ARHGEF28: variants seen among roughly 807,000 people sequenced by gnomAD.
ARHGEF28 encodes 190 kDa guanine nucleotide exchange factor.
Under a neutral mutation model 206.6 loss-of-function variants are expected in ARHGEF28, and 152 were observed. The ratio of observed to expected loss-of-function variants is 0.74; its 90% confidence interval spans 0.64 to 0.84. The LOEUF (loss-of-function observed/expected upper bound fraction) is 0.84, where lower values mean the gene tolerates loss of function less well. ARHGEF28 is among the 40% of genes least tolerant of loss of function. The pLI, the probability that ARHGEF28 is intolerant of heterozygous loss-of-function variation, is 0.00. For missense variants in ARHGEF28, 2,028 were observed against 2,073.2 expected (o/e 0.98, Z 0.42); for synonymous variants, 763 against 776.4 (o/e 0.98, Z 0.29).
chr5:73,630,724 C>T (rs1396921383), intron 1 of ARHGEF28, among the ~76,000 whole-genome samples: 1 of 152,128 alleles, frequency 6.6e-6, no homozygotes, highest in Non-Finnish European at 1.5e-5. Flanking sequence ...TCCCAGTTTC[C>T]TCATCCAGTA....
chr5:73,794,436 T>G lies in ARHGEF28; in HGVS notation c.945T>G (p.Ala315=). The G allele has an allele frequency of 6.2e-7, 1 of 1,601,834 alleles. No individual in the cohort carries two copies. ...ATTCAGTGTCCAGCAGATCAGCAGC[T>G]GAAAAGGAAGATATAAAGGTAATGA... ...IKNSVSSRSA[A]EKEDIKRVKS... Residue 315 remains alanine, a synonymous_variant, in exon 8 of 36, where the codon GCT becomes GCG. Transcript: ENST00000513042.
At chr5:73,863,469 G>A (rs1489397351) in intron 16 of ARHGEF28, 3 of 151,860 alleles carry the variant, frequency 2.0e-5, no homozygotes, top group Non-Finnish European at 4.4e-5. Flanking sequence ...TTCATAGCTC[G>A]GCTTTGATGT....
At chr5:73,657,975 T>C (rs1169255281) in intron 1 of ARHGEF28, among the ~76,000 whole-genome samples, 1 of 152,162 alleles carries the variant, frequency 6.6e-6, no homozygotes, top group Non-Finnish European at 1.5e-5. Context: ...ACTCTGTTTT[T>C]CAATGAGTCT....
intron 2 of ARHGEF28, among the ~76,000 whole-genome samples, chr5:73,696,734 C>T (rs1326722271): frequency 1.3e-5 from 2 of 152,322 alleles, no homozygotes; most frequent in East Asian, 1.9e-4. Flanking sequence ...GATTTTCCAA[C>T]ACTAGTTTAG....
At chr5:73,749,441 A>G (rs542964265) in intron 2 of ARHGEF28, among the ~76,000 whole-genome samples, 2 of 152,324 alleles carry the variant, frequency 1.3e-5, no homozygotes, top group Admixed American at 1.3e-4. Flanking sequence ...CTGAAGTGGG[A>G]GGATTGCTTG....
At chr5:73,664,776 G>A (rs1455325908) in intron 1 of ARHGEF28, among the ~76,000 whole-genome samples, 1 of 152,136 alleles carries the variant, frequency 6.6e-6, no homozygotes, top group East Asian at 1.9e-4. Context: ...TAACTACTAT[G>A]TCAGATCAAA....
intron 9 of ARHGEF28, among the ~76,000 whole-genome samples, chr5:73,812,975 G>A (rs1316705625): frequency 6.6e-6 from 1 of 152,132 alleles, no homozygotes; most frequent in Non-Finnish European, 1.5e-5. Context: ...TCTTAGATCC[G>A]AAAAGCTGCC....
rs146578847 is a variant in ARHGEF28 at position 73,772,502 on chromosome 5, C to A, written c.476-1353C>A. Among the ~76,000 whole-genome samples the A allele has an allele frequency of 4.2e-4, 64 of 152,306 alleles. No homozygotes were observed. The East Asian group carries it at 8.3e-3, about 20-fold the overall frequency. ...CAAGCGATCCTCCCACCTCAGCCTG[C>A]TGATTAGCTGGGACCACAGGCGAGT... On this transcript the variant is annotated intron_variant, in intron 4 of 35. Transcript: ENST00000513042.
chr5:73,850,635 T>C (rs1397295899), intron 13 of ARHGEF28, among the ~76,000 whole-genome samples: 8 of 152,136 alleles, frequency 5.3e-5, no homozygotes, highest in African/African-American at 1.9e-4. Context: ...ATCTATGAAG[T>C]CAGATATCTC....
intron 35 of ARHGEF28, among the ~76,000 whole-genome samples, chr5:73,913,163 C>A (rs554610029): frequency 1.3e-5 from 2 of 152,166 alleles, no homozygotes; most frequent in Admixed American, 1.3e-4. Flanking sequence ...AATGTACTTA[C>A]GCTTAAGAAA....
rs570710298 is a variant in ARHGEF28 at position 73,730,440 on chromosome 5, C to T, written c.34-19397C>T. On this transcript the variant is annotated intron_variant, in intron 2 of 35. Transcript: ENST00000513042. ...CTTGCATCGGTAGGCACCTTTAAGGCAAAATAAAGGAAAATATATTTCAGT... is the reference window on the plus strand; with the variant it reads ...CTTGCATCGGTAGGCACCTTTAAGGTAAAATAAAGGAAAATATATTTCAGT... Among the ~76,000 whole-genome samples the T allele has an allele frequency of 2.8e-4, 42 of 150,980 alleles. 1 individual carries two copies. Among genetic ancestry groups the T allele is most frequent in the African/African-American group, 1.0e-3 (41 of 41,016 alleles).
intron 2 of ARHGEF28, among the ~76,000 whole-genome samples, chr5:73,745,664 T>G (rs1297677079): frequency 6.6e-6 from 1 of 152,088 alleles, no homozygotes; most frequent in Admixed American, 6.5e-5. Context: ...ATTCCTGTTT[T>G]CCATGTGACT....
intron 2 of ARHGEF28, among the ~76,000 whole-genome samples, chr5:73,730,237 A>T (rs964483637): frequency 1.3e-5 from 2 of 152,170 alleles, no homozygotes; most frequent in African/African-American, 2.4e-5. Context: ...TAAATAGTAA[A>T]CTGTCCCAGT....
At chr5:73,814,574 T>G (rs796802212) in intron 9 of ARHGEF28, among the ~76,000 whole-genome samples, 2 of 152,078 alleles carry the variant, frequency 1.3e-5, no homozygotes, top group African/African-American at 4.8e-5. Flanking sequence ...ACGCGTGTGC[T>G]TATGTTTTCA....
Position 73,878,520 on chromosome 5 carries a change from C to T in ARHGEF28, c.2815-3952C>T, listed in dbSNP as rs187751844. Among the ~76,000 whole-genome samples the T allele has an allele frequency of 3.9e-3, 592 of 151,924 alleles. 2 individuals carry two copies. The highest frequency in any genetic ancestry group is 7.2e-3 in the Non-Finnish European group (489 of 67,964). On this transcript the variant is annotated intron_variant, in intron 22 of 35. Transcript: ENST00000513042. Reference sequence around the variant, plus strand: ...AGTTGATGCAGTCTCTTCCTAGTCTCGATGGTCTTTACATTTTGGCATGAT... The same window carrying T: ...AGTTGATGCAGTCTCTTCCTAGTCTTGATGGTCTTTACATTTTGGCATGAT...
intron 1 of ARHGEF28, among the ~76,000 whole-genome samples, chr5:73,642,653 C>A (rs1744191923): frequency 6.6e-6 from 1 of 151,768 alleles, no homozygotes. Context: ...GGCCTTGATT[C>A]CGTCTTCTTG....
At chr5:73,838,046 A>G (rs1200176510) in intron 10 of ARHGEF28, among the ~76,000 whole-genome samples, 7 of 152,140 alleles carry the variant, frequency 4.6e-5, no homozygotes, top group Admixed American at 1.3e-4. Context: ...GCCAAGATAT[A>G]ATTTTTATTC....
At chr5:73,669,648 A>C (rs1746185400) in intron 1 of ARHGEF28, among the ~76,000 whole-genome samples, 1 of 152,090 alleles carries the variant, frequency 6.6e-6, no homozygotes, top group Admixed American at 6.6e-5. Flanking sequence ...AGACATTGAC[A>C]CAATTTTATC....
At chr5:73,857,588 T>A in intron 14 of ARHGEF28, 68 bp from the exon 15 acceptor site, 1 of 1,296,074 alleles carries the variant, frequency 7.7e-7, no homozygotes, top group Non-Finnish European at 1.1e-6. Context: ...CACACACACA[T>A]ACACACACAC....
Sources: gnomAD v4.1 joint callset for allele counts (sites outside exome capture counted in the v4.1 genomes callset) on GRCh38, gnomAD v4.1.1 for gene constraint, MANE v1.5 for transcripts, NCBI Gene and HGNC (gene_info 2026-07-23, HGNC 2026-07-21) for gene names.